Variants in ABCC3 observed in about 807,000 individuals in gnomAD.
ABCC3 encodes ATP binding cassette subfamily C member 3.
In ABCC3, 121 loss-of-function variants were observed where a neutral mutation model predicts 165.3. That is an observed-to-expected ratio of 0.73 (90% confidence interval 0.63 to 0.85). The LOEUF is 0.85. ABCC3 is among the 40% of genes least tolerant of loss of function. ABCC3 has a pLI of 0.00. For synonymous variants in ABCC3, 733 were observed against 810.1 expected (o/e 0.90, Z 1.62); for missense variants, 1,869 against 1,964.1 (o/e 0.95, Z 0.92).
intron 8 of ABCC3, chr17:50,662,322 T>G (rs1967408844): frequency 6.7e-6 from 1 of 148,460 alleles, no homozygotes. Context: ...GGAGGCTGGG[T>G]GGGGGGCAAG....
Position 50,679,547 on chromosome 17 carries a change from T to C in ABCC3, c.3706-251T>C, listed in dbSNP as rs181017361. 25 of 359,982 alleles carry C rather than the reference T, an allele frequency of 6.9e-5. No individual in the cohort carries two copies. The East Asian group carries it at 1.0e-3, about 15-fold the overall frequency. 22.3% of individuals were successfully genotyped at this position (359,982 alleles called of 1,614,324 possible). A position where few individuals can be genotyped will look rare whatever the true frequency, so the allele number is the denominator to read the frequency against. On this transcript the variant is annotated intron_variant, in intron 25 of 30. Transcript: ENST00000285238. ...AAGATTCTCTGGGAAGTCTTATACA[T>C]ATTAAAGTTGGAGAAACAGAAACCA...
At chr17:50,639,047 G>A (rs2054203689) in intron 1 of ABCC3, among the ~76,000 whole-genome samples, 1 of 152,188 alleles carries the variant, frequency 6.6e-6, no homozygotes, top group South Asian at 2.1e-4. Context: ...TAATGGGCAA[G>A]GCTCCTATGC....
chr17:50,676,485 A>G lies in ABCC3; in HGVS notation c.3275A>G (p.Asn1092Ser), dbSNP rs141660105. 1.9e-6 allele frequency: 3 copies of G among 1,613,274 alleles called. No individual in the cohort carries two copies. Among genetic ancestry groups the G allele is most frequent in the East Asian group, 4.5e-5 (2 of 44,786 alleles). The change falls in exon 23 of 31, where the codon AAT becomes AGT. Residue 1092 changes from asparagine (N) to serine (S), a missense_variant. Asn to Ser is a conservative substitution (Grantham distance 46, BLOSUM62 1). Coordinates refer to ENST00000285238, the MANE Select transcript of ABCC3 (RefSeq NM_003786.4). ...GCCCCTGTCATCCTCATGCTGCTCA[A>G]TTCCTTCTTCAACGCCATCTCCACT... ...VLAPVILMLL[N>S]SFFNAISTLV...
chr17:50,660,859 G>A, intron 7 of ABCC3, 64 bp from the exon 8 acceptor site: 1 of 1,471,960 alleles, frequency 6.8e-7, no homozygotes, highest in South Asian at 1.3e-5. Flanking sequence ...GCCCAGCCTA[G>A]CCCTTGGCTT....
Position 50,691,539 on chromosome 17 carries a change from TAA to T in ABCC3, c.*341_*342del, listed in dbSNP as rs1402430520. On this transcript the variant is annotated 3_prime_UTR_variant, in exon 31 of 31. Transcript: ENST00000285238. ...CCTCCCTCTGATTTTTCATATTTTC[TAA>T]AGTTTCGTTTCTGTTTTTTAATAAA... is the stretch of plus-strand genomic sequence containing the variant. 4.9e-6 allele frequency: 1 copy of T among 202,856 alleles called. No homozygotes were observed. Among genetic ancestry groups the T allele is most frequent in the Non-Finnish European group, 1.0e-5 (1 of 98,182 alleles). The allele number at this position is 202,856 out of a possible 1,614,324, so 12.6% of individuals were successfully genotyped here. A position where few individuals can be genotyped will look rare whatever the true frequency, so the allele number is the denominator to read the frequency against.
chr17:50,646,464 A>G (rs1345405558), intron 1 of ABCC3, among the ~76,000 whole-genome samples: 1 of 152,198 alleles, frequency 6.6e-6, no homozygotes, highest in African/African-American at 2.4e-5. Flanking sequence ...TGAGCTGGAG[A>G]GATAGACTTG....
chr17:50,661,297 A>G (rs1967380031), intron 8 of ABCC3, among the ~76,000 whole-genome samples, 183 bp downstream of exon 8: 1 of 152,194 alleles, frequency 6.6e-6, no homozygotes, highest in African/African-American at 2.4e-5. Flanking sequence ...CTCACATTCA[A>G]CTTAGAATTG....
At position 50,675,453 on chromosome 17, in the gene ABCC3, T is replaced by A. The variant is rs1170775282; in HGVS notation, c.2691T>A (p.Tyr897Ter). 3 of 1,613,784 alleles carry A rather than the reference T, an allele frequency of 1.9e-6. No individual in the cohort carries two copies. The highest frequency in any genetic ancestry group is 2.5e-6 in the Non-Finnish European group (3 of 1,179,910). ...TGACAGACAATGATCCAGTCACCTATGTGGTCCAGAAGCAGTTTATGAGGT... is the reference window on the plus strand; with the variant it reads ...TGACAGACAATGATCCAGTCACCTAAGTGGTCCAGAAGCAGTTTATGAGGT... ...TDLTDNDPVT[Y>*]VVQKQFMRQL... The change falls in exon 20 of 31, where the codon TAT becomes TAA. Residue 897 changes from tyrosine to a stop codon, truncating the protein, a stop_gained. Transcript: ENST00000285238. LOFTEE classifies it high-confidence loss of function.
At chr17:50,671,702 CTTTTTTTTTT>C (rs386386244) in intron 17 of ABCC3, among the ~76,000 whole-genome samples, 1,871 of 56,386 alleles carry the variant, frequency 0.033, 72 homozygotes, top group South Asian at 0.1. Context: ...TCCTTCCTTC[CTTTTTTTTTT>C]TTTTTTTTTT....
At chr17:50,643,849 G>T (rs1010577735) in intron 1 of ABCC3, among the ~76,000 whole-genome samples, 2 of 152,142 alleles carry the variant, frequency 1.3e-5, no homozygotes, top group Non-Finnish European at 2.9e-5. Flanking sequence ...GATGCCATGG[G>T]GGGGGTCTTG....
intron 26 of ABCC3, among the ~76,000 whole-genome samples, chr17:50,681,695 C>T (rs567427344): frequency 2.6e-5 from 4 of 152,228 alleles, no homozygotes; most frequent in East Asian, 1.9e-4. Flanking sequence ...TTCTGGCCCT[C>T]GCTCCACGGA....
chr17:50,678,502 C>A (rs1967872132), intron 25 of ABCC3, among the ~76,000 whole-genome samples: 2 of 152,242 alleles, frequency 1.3e-5, no homozygotes, highest in African/African-American at 4.8e-5. Flanking sequence ...AACCCCACAT[C>A]TCTCTCCTGC....
intron 1 of ABCC3, among the ~76,000 whole-genome samples, chr17:50,653,358 AAAAAAGAAAAAG>A (rs1177838444): frequency 3.3e-5 from 5 of 151,040 alleles, no homozygotes; most frequent in Non-Finnish European, 7.4e-5. Flanking sequence ...AAAAAAAAAA[AAAAAAGAAAAAG>A]AAAAAGAAAA....
rs137997623 is a variant in ABCC3, at chr17:50,682,894, A to C, written c.3808-716A>C. 2.6e-5 allele frequency among the ~76,000 whole-genome samples: 4 copies of C among 152,158 alleles called. No homozygotes were observed. The South Asian group carries it at 8.3e-4, about 31-fold the overall frequency. On this transcript the variant is annotated intron_variant, in intron 26 of 30. Coordinates refer to ENST00000285238, the MANE Select transcript of ABCC3 (RefSeq NM_003786.4). ...AATGAGAGGGGGAGTTAGGGCAGGC[A>C]GGGAGGGCACTTCAAGGAATATAAG...
chr17:50,657,961 A>C, intron 4 of ABCC3, 121 bp from the exon 5 acceptor site: 1 of 1,377,964 alleles, frequency 7.3e-7, no homozygotes, highest in East Asian at 2.3e-5. Context: ...GGGGACCTGG[A>C]GGCCCCCAGG....
chr17:50,684,607 G>A lies in ABCC3; in HGVS notation c.4114-102G>A, dbSNP rs368948716. The stretch of plus-strand genomic sequence containing the variant: ...CTCTGGGGAGCTGGAAACAGAGTGG[G>A]AATGCTGCCACCTTAATCCCTCTCT... On this transcript the variant is annotated intron_variant, in intron 28 of 30. Transcript: ENST00000285238. 1,660 of 1,283,832 alleles carry A rather than the reference G, an allele frequency of 1.3e-3. 22 individuals carry two copies. In the South Asian group the frequency reaches 0.023, roughly 17 times the overall value. The allele number at this position is 1,283,832 out of a possible 1,614,324, so 79.5% of individuals were successfully genotyped here.
At chr17:50,670,313 C>T (rs1967621155) in intron 17 of ABCC3, among the ~76,000 whole-genome samples, 1 of 151,424 alleles carries the variant, frequency 6.6e-6, no homozygotes. Context: ...GAACTCCTGG[C>T]TTCAAGTGAT....
chr17:50,653,084 G>A (rs1374684095), intron 1 of ABCC3, among the ~76,000 whole-genome samples: 1 of 152,032 alleles, frequency 6.6e-6, no homozygotes, highest in Admixed American at 6.6e-5. Flanking sequence ...GGTGGCTCAC[G>A]CCTGTTATCC....
chr17:50,652,704 T>G (rs984626930), intron 1 of ABCC3, among the ~76,000 whole-genome samples: 2 of 152,238 alleles, frequency 1.3e-5, no homozygotes, highest in African/African-American at 4.8e-5. Flanking sequence ...AAGTGGCGTC[T>G]CAGACTCTGG....
Sources: allele counts gnomAD v4.1 joint callset (sites outside exome capture counted in the v4.1 genomes callset), GRCh38; gene constraint gnomAD v4.1.1; transcripts MANE v1.5; gene names NCBI Gene and HGNC (gene_info 2026-07-23, HGNC 2026-07-21).